Variants in GPC5 observed in about 807,000 individuals in gnomAD.
GPC5 encodes glypican-5.
Under a neutral mutation model 53.9 loss-of-function variants are expected in GPC5, and 47 were observed. The observed-to-expected ratio is 0.87, with a 90% CI of 0.69 to 1.11. The LOEUF (loss-of-function observed/expected upper bound fraction) is 1.11, where lower values mean the gene tolerates loss of function less well. Among genes scored for constraint, GPC5 ranks in the 50% most tolerant of loss-of-function variants. The pLI, the probability that GPC5 is intolerant of heterozygous loss-of-function variation, is 0.00. For synonymous variants in GPC5, 286 were observed against 263.3 expected, an observed-to-expected ratio of 1.09 and a Z score of -0.84; for missense variants, 748 against 713.1, an observed-to-expected ratio of 1.05 and a Z score of -0.56.
chr13:92,186,552 T>C (rs1166536707), intron 7 of GPC5, among the ~76,000 whole-genome samples: 2 of 152,060 alleles, frequency 1.3e-5, no homozygotes, highest in Admixed American at 6.5e-5. Context: ...AAATGCTTAG[T>C]AAGGTTTTAA....
chr13:91,778,076 C>T (rs61967081), intron 5 of GPC5, among the ~76,000 whole-genome samples: 15,548 of 152,080 alleles, frequency 0.1, 880 homozygotes, highest in Non-Finnish European at 0.13. Flanking sequence ...CAAATACACA[C>T]CTCTTTATAG....
intron 7 of GPC5, among the ~76,000 whole-genome samples, chr13:92,356,636 C>T (rs2043524867): frequency 6.6e-6 from 1 of 152,014 alleles, no homozygotes; most frequent in Non-Finnish European, 1.5e-5. Flanking sequence ...CTATGGTATT[C>T]AGCCCAAGAA....
chr13:92,014,390 C>A (rs753776189), intron 6 of GPC5, among the ~76,000 whole-genome samples: 1 of 152,184 alleles, frequency 6.6e-6, no homozygotes, highest in South Asian at 2.1e-4. Context: ...AGCCTGCCCA[C>A]GTTGTTGTTG....
intron 7 of GPC5, among the ~76,000 whole-genome samples, chr13:92,723,027 TAGAC>T (rs1888546093): frequency 3.3e-5 from 5 of 151,748 alleles, no homozygotes; most frequent in Admixed American, 6.6e-5. Flanking sequence ...GATTTTGAAA[TAGAC>T]AGAACCGGGT....
At chr13:91,957,844 A>G (rs1282044833) in intron 6 of GPC5, among the ~76,000 whole-genome samples, 1 of 152,124 alleles carries the variant, frequency 6.6e-6, no homozygotes, top group Non-Finnish European at 1.5e-5. Flanking sequence ...ATAAAAACAC[A>G]TGAAAATTTA....
At chr13:92,704,881 ATG>A (rs1459892893) in intron 7 of GPC5, among the ~76,000 whole-genome samples, 1 of 148,958 alleles carries the variant, frequency 6.7e-6, no homozygotes, top group Non-Finnish European at 1.5e-5. Flanking sequence ...TATATACTCA[ATG>A]TGTGTATATA....
rs558636755 is a variant in GPC5, at chr13:92,076,232, C to T, written c.1402-68598C>T. 3.9e-5 allele frequency among the ~76,000 whole-genome samples: 6 copies of T among 152,108 alleles called. No individual in the cohort carries two copies. In the South Asian group the frequency reaches 1.0e-3, roughly 26 times the overall value. On this transcript the variant is annotated intron_variant, in intron 6 of 7. Coordinates refer to ENST00000377067, the MANE Select transcript of GPC5 (RefSeq NM_004466.6). The stretch of plus-strand genomic sequence containing the variant: ...TACAGGCGCCCACCACCATGCCTGG[C>T]TTATTTTATTTTTTATTTTTTGTAT...
chr13:91,935,009 T>A (rs151068039), intron 6 of GPC5, among the ~76,000 whole-genome samples: 1 of 152,062 alleles, frequency 6.6e-6, no homozygotes, highest in East Asian at 1.9e-4. Context: ...GTGAGCTAGA[T>A]TTGCATTTGG....
chr13:91,410,503 A>G (rs887064436), intron 1 of GPC5, among the ~76,000 whole-genome samples: 17 of 121,992 alleles, frequency 1.4e-4, no homozygotes, highest in South Asian at 3.3e-4. Context: ...CCGCCACCAC[A>G]CCTGGCTAAT....
At chr13:92,503,428 C>T (rs1566618678) in intron 7 of GPC5, among the ~76,000 whole-genome samples, 1 of 151,438 alleles carries the variant, frequency 6.6e-6, no homozygotes, top group Non-Finnish European at 1.5e-5. Flanking sequence ...GCAGTTAATG[C>T]TTACACAAAA....
chr13:92,268,728 T>TA (rs2042819878), intron 7 of GPC5, among the ~76,000 whole-genome samples: 1 of 130,294 alleles, frequency 7.7e-6, no homozygotes, highest in Non-Finnish European at 1.6e-5. Flanking sequence ...AGATTTGGAC[T>TA]GGAGACAAAT....
intron 2 of GPC5, among the ~76,000 whole-genome samples, chr13:91,597,563 C>A (rs8002472): frequency 0.82 from 124,853 of 152,038 alleles, 54,462 homozygotes; most frequent in Non-Finnish European, 0.96. Flanking sequence ...CTGCCTGCGC[C>A]AACACCTCCT....
chr13:91,428,022 G>A (rs1879176825), intron 1 of GPC5, among the ~76,000 whole-genome samples: 1 of 152,160 alleles, frequency 6.6e-6, no homozygotes, highest in African/African-American at 2.4e-5. Context: ...ATGTGGAAAT[G>A]TGAGTCAATT....
intron 6 of GPC5, among the ~76,000 whole-genome samples, chr13:92,085,347 A>G (rs1051792419): frequency 1.3e-5 from 2 of 152,258 alleles, no homozygotes; most frequent in African/African-American, 4.8e-5. Flanking sequence ...AAAATGTAAT[A>G]TGGATACTGT....
At chr13:92,224,054 A>T (rs1269163311) in intron 7 of GPC5, among the ~76,000 whole-genome samples, 1 of 152,180 alleles carries the variant, frequency 6.6e-6, no homozygotes, top group African/African-American at 2.4e-5. Context: ...ACACTATAAA[A>T]ACTGTTTTCT....
chr13:92,609,255 A>G (rs1321784227), intron 7 of GPC5, among the ~76,000 whole-genome samples: 1 of 152,170 alleles, frequency 6.6e-6, no homozygotes, highest in Admixed American at 6.5e-5. Context: ...TAATAAGTGT[A>G]TCAGGATGAG....
At chr13:92,503,549 T>C (rs1880263191) in intron 7 of GPC5, among the ~76,000 whole-genome samples, 1 of 151,136 alleles carries the variant, frequency 6.6e-6, no homozygotes, top group Admixed American at 6.6e-5. Context: ...AAGTGAAAAG[T>C]AGAAATACCC....
intron 7 of GPC5, among the ~76,000 whole-genome samples, chr13:92,415,196 A>G (rs186969345): frequency 6.6e-5 from 10 of 152,294 alleles, no homozygotes; most frequent in Non-Finnish European, 1.0e-4. Flanking sequence ...TTAATGTTTC[A>G]TCTTTCTGGC....
intron 2 of GPC5, among the ~76,000 whole-genome samples, chr13:91,498,442 C>T (rs7999520): frequency 0.38 from 57,103 of 151,706 alleles, 12,682 homozygotes; most frequent in African/African-American, 0.63. Flanking sequence ...GATTTGAGCA[C>T]AATGGGTCCG....
Sources: allele counts gnomAD v4.1 joint callset (sites outside exome capture counted in the v4.1 genomes callset), GRCh38; gene constraint gnomAD v4.1.1; transcripts MANE v1.5; gene names NCBI Gene and HGNC (gene_info 2026-07-23, HGNC 2026-07-21).